PLCE1: variants seen among roughly 807,000 people sequenced by gnomAD.
PLCE1 encodes phospholipase C epsilon 1.
A neutral mutation model predicts 242.8 loss-of-function variants in PLCE1; 119 were observed. That is an observed-to-expected ratio of 0.49 (90% confidence interval 0.42 to 0.57). The LOEUF (loss-of-function observed/expected upper bound fraction) is 0.57, where lower values mean the gene tolerates loss of function less well. PLCE1 is among the 20% of genes least tolerant of loss of function. The pLI, the probability that PLCE1 is intolerant of heterozygous loss-of-function variation, is 0.00. For missense variants in PLCE1, 2,441 were observed against 2,788.8 expected, an observed-to-expected ratio of 0.88 and a Z score of 2.81; for synonymous variants, 945 against 1,017.4, an observed-to-expected ratio of 0.93 and a Z score of 1.35.
rs1261632735 is a variant in PLCE1 at position 94,273,689 on chromosome 10, A to T, written c.4634A>T (p.His1545Leu). The T allele has an allele frequency of 6.2e-7, 1 of 1,613,886 alleles. No homozygotes were observed. Among genetic ancestry groups the T allele is most frequent in the East Asian group, 2.2e-5 (1 of 44,846 alleles). Residue 1545 changes from histidine (H) to leucine (L), a missense_variant, in exon 19 of 33, where the codon CAT (histidine) becomes CTT (leucine). Around this residue, in one of 5 missense-constraint regions of PLCE1, gnomAD observed 1,004 missense variants for 1,322.7 expected, o/e 0.76. Coordinates refer to ENST00000371380, the MANE Select transcript of PLCE1 (RefSeq NM_016341.4). ...VLLKNKKLKA[H>L]QTPVDILKQK... Reference sequence around the variant, plus strand: ...CTTAAAAACAAGAAGCTAAAAGCCCATCAGACGCCAGTGGATATCTTAAAG... The same window carrying T: ...CTTAAAAACAAGAAGCTAAAAGCCCTTCAGACGCCAGTGGATATCTTAAAG...
intron 2 of PLCE1, among the ~76,000 whole-genome samples, chr10:94,038,766 A>T (rs1159545119): frequency 6.6e-6 from 1 of 152,144 alleles, no homozygotes; most frequent in East Asian, 1.9e-4. Context: ...TAAGGTATAC[A>T]ATTCAGTGGT....
rs190563855 is a variant in PLCE1 at position 94,030,398 on chromosome 10, G to T, written c.-364-285G>T. On this transcript the variant is annotated intron_variant, in intron 1 of 32. Transcript: ENST00000371380. ...TTTCTTCTTTCAGACATCAATGTCT[G>T]TGTTGCTCGTTGTTCAATATCTGAA... 1.1e-4 allele frequency among the ~76,000 whole-genome samples: 16 copies of T among 151,100 alleles called. No homozygotes were observed. In the East Asian group the frequency reaches 3.1e-3, roughly 29 times the overall value.
chr10:94,251,035 C>T (rs2050855882), intron 8 of PLCE1, among the ~76,000 whole-genome samples: 1 of 152,176 alleles, frequency 6.6e-6, no homozygotes, highest in Admixed American at 6.5e-5. Context: ...GAAGGGGCTT[C>T]TGATTGGCTT....
intron 2 of PLCE1, among the ~76,000 whole-genome samples, chr10:94,103,052 C>T (rs2045596233): frequency 6.6e-6 from 1 of 152,128 alleles, no homozygotes; most frequent in Non-Finnish European, 1.5e-5. Flanking sequence ...TAATAAACTG[C>T]CCATCACAAT....
At chr10:94,073,790 C>T (rs532680682) in intron 2 of PLCE1, among the ~76,000 whole-genome samples, 16 of 152,314 alleles carry the variant, frequency 1.1e-4, no homozygotes, top group Admixed American at 3.3e-4. Flanking sequence ...ACCAAGTCAG[C>T]AAGCATTGCC....
intron 16 of PLCE1, among the ~76,000 whole-genome samples, chr10:94,267,375 T>G (rs2051556401): frequency 6.6e-6 from 1 of 152,198 alleles, no homozygotes; most frequent in African/African-American, 2.4e-5. Flanking sequence ...TCTCACAGCT[T>G]TTGAATAAGG....
At chr10:94,073,152 C>T (rs1221563415) in intron 2 of PLCE1, among the ~76,000 whole-genome samples, 2 of 152,050 alleles carry the variant, frequency 1.3e-5, no homozygotes, top group African/African-American at 2.4e-5. Flanking sequence ...ACTGCTCCCC[C>T]CACCACCCCA....
chr10:94,013,593 G>T (rs531184919), intron 1 of PLCE1, among the ~76,000 whole-genome samples: 1 of 152,286 alleles, frequency 6.6e-6, no homozygotes, highest in African/African-American at 2.4e-5. Flanking sequence ...CTCAAGTGAG[G>T]CCTTGAGAAT....
chr10:94,053,812 A>G (rs1376747124), intron 2 of PLCE1, among the ~76,000 whole-genome samples: 8 of 152,384 alleles, frequency 5.2e-5, no homozygotes, highest in South Asian at 4.1e-4. Context: ...CAGTCGCTGA[A>G]TGAAGTTGAA....
chr10:94,124,455 A>C (rs1212721733), intron 2 of PLCE1, among the ~76,000 whole-genome samples: 2 of 152,152 alleles, frequency 1.3e-5, no homozygotes, highest in Non-Finnish European at 2.9e-5. Flanking sequence ...AGTAACACTA[A>C]AAGGGACCTT....
chr10:94,164,706 G>A (rs1290396766), intron 3 of PLCE1, among the ~76,000 whole-genome samples: 2 of 152,168 alleles, frequency 1.3e-5, no homozygotes, highest in Non-Finnish European at 2.9e-5. Flanking sequence ...GAGGAGGAGA[G>A]GCACTCTGAA....
intron 28 of PLCE1, chr10:94,315,166 C>A: frequency 3.3e-6 from 1 of 300,122 alleles, no homozygotes; most frequent in African/African-American, 2.2e-5. Flanking sequence ...CCTTTTGAGT[C>A]AACAGCATTT....
chr10:94,133,943 C>T (rs1419730155), intron 3 of PLCE1, among the ~76,000 whole-genome samples: 2 of 152,108 alleles, frequency 1.3e-5, no homozygotes, highest in Non-Finnish European at 2.9e-5. Context: ...GAGTACCAAG[C>T]CTGCATTCTT....
intron 4 of PLCE1, among the ~76,000 whole-genome samples, chr10:94,219,228 T>C (rs1297568044): frequency 1.3e-5 from 2 of 152,048 alleles, no homozygotes; most frequent in Non-Finnish European, 2.9e-5. Context: ...AGTCAAGATA[T>C]ATTTGTCAAG....
At chr10:94,160,414 C>T (rs1192697547) in intron 3 of PLCE1, among the ~76,000 whole-genome samples, 2 of 152,278 alleles carry the variant, frequency 1.3e-5, no homozygotes, top group South Asian at 4.1e-4. Flanking sequence ...GCATAAATGT[C>T]TTCTTTTGAG....
intron 3 of PLCE1, among the ~76,000 whole-genome samples, chr10:94,135,865 A>G (rs2046754852): frequency 6.6e-6 from 1 of 152,226 alleles, no homozygotes; most frequent in Non-Finnish European, 1.5e-5. Context: ...AGATGTTGGC[A>G]GCTGTAGCTT....
chr10:94,322,636 T>G (rs1173478239), intron 30 of PLCE1, among the ~76,000 whole-genome samples: 4 of 151,530 alleles, frequency 2.6e-5, no homozygotes, highest in African/African-American at 4.9e-5. Context: ...AATACAAAAA[T>G]TAGCTGGGCG....
chr10:94,048,893 C>T (rs929063777), intron 2 of PLCE1, among the ~76,000 whole-genome samples: 31 of 151,286 alleles, frequency 2.0e-4, no homozygotes, highest in Middle Eastern at 3.4e-3. Flanking sequence ...TTCAGCCTCC[C>T]GAGTAGCTGG....
chr10:94,098,934 T>C (rs1349248423), intron 2 of PLCE1, among the ~76,000 whole-genome samples: 2 of 152,230 alleles, frequency 1.3e-5, no homozygotes, highest in African/African-American at 4.8e-5. Context: ...TTTTCTTTAC[T>C]AGAGGTATAT....
Sources: gnomAD v4.1 joint callset for allele counts (sites outside exome capture counted in the v4.1 genomes callset) on GRCh38, gnomAD v4.1.1 for gene constraint, gnomAD v4.1.1 regional missense constraint, MANE v1.5 for transcripts, NCBI Gene and HGNC (gene_info 2026-07-23, HGNC 2026-07-21) for gene names.